The following ITGB4 variants were observed in gnomAD, a reference collection of about 807,000 sequenced individuals.
ITGB4 encodes the protein integrin beta-4.
Under a neutral mutation model 207.6 loss-of-function variants are expected in ITGB4, and 159 were observed. That is an observed-to-expected ratio of 0.77 (90% CI 0.67 to 0.87). The LOEUF (loss-of-function observed/expected upper bound fraction) is 0.87, where lower values mean the gene tolerates loss of function less well. ITGB4 is among the 40% of genes least tolerant of loss of function. ITGB4 has a pLI of 0.00. For missense variants in ITGB4, 2,278 were observed against 2,546.8 expected (o/e 0.89, Z 2.27); for synonymous variants, 1,020 against 1,062.7 (o/e 0.96, Z 0.78).
intron 18 of ITGB4, 21 bp downstream of exon 18, chr17:75,737,665 C>A (rs772915289): frequency 1.2e-6 from 2 of 1,601,228 alleles, no homozygotes; most frequent in Admixed American, 1.7e-5. Context: ...AGGGTGCCTC[C>A]CAAGGCCCCA....
In ITGB4 at chr17:75,750,823, C is replaced by T; in HGVS notation, c.3618C>T (p.Pro1206=). The change falls in exon 29 of 40, where the codon CCC becomes CCT. Residue 1206 remains proline (P), a synonymous_variant. Coordinates refer to ENST00000200181, the MANE Select transcript of ITGB4 (RefSeq NM_000213.5). This position sits in a 1 kb window ranked among gnomAD's most constrained non-coding sequence, Gnocchi z 5.5. ...VCAYGAQGEG[P]YSSLVSCRTH... is the part of the protein sequence containing the mutation. The stretch of plus-strand genomic sequence containing the variant: ...CCTACGGGGCTCAGGGCGAGGGACC[C>T]TACAGCTCCCTGGTGTCCTGCCGCA... The T allele has an allele frequency of 1.2e-6, 2 of 1,613,404 alleles. No homozygotes were observed. Among genetic ancestry groups the T allele is most frequent in the Non-Finnish European group, 1.7e-6 (2 of 1,179,996 alleles).
At chr17:75,743,989 C>T (rs2061177206) in intron 26 of ITGB4, 128 bp downstream of exon 26, 2 of 1,095,630 alleles carry the variant, frequency 1.8e-6, no homozygotes, top group African/African-American at 1.6e-5. Context: ...CCCTGGCTGG[C>T]CTCCCAAGGA....
chr17:75,748,904 G>C lies in ITGB4; in HGVS notation c.3175G>C (p.Val1059Leu). Residue 1059 changes from valine to leucine, a missense_variant, in exon 27 of 40, where the codon GTG becomes CTG. Val to Leu is a conservative substitution (Grantham distance 32). Transcript: ENST00000200181. The part of the protein sequence containing the change: ...QPGEAWKELQ[V>L]KLLELQEVDS... ...TGGGGAGGCCTGGAAAGAGCTGCAGGTGAAGCTCCTGGAGCTGCAAGAAGT... is the reference window on the plus strand; with the variant it reads ...TGGGGAGGCCTGGAAAGAGCTGCAGCTGAAGCTCCTGGAGCTGCAAGAAGT... 6.2e-7 allele frequency: 1 copy of C among 1,613,252 alleles called. No homozygotes were observed. Among genetic ancestry groups the C allele is most frequent in the South Asian group, 1.1e-5 (1 of 91,034 alleles).
At chr17:75,738,705 C>T (rs902108772) in intron 18 of ITGB4, among the ~76,000 whole-genome samples, 5 of 152,216 alleles carry the variant, frequency 3.3e-5, no homozygotes, top group Non-Finnish European at 5.9e-5. Context: ...CAAGAGAAAG[C>T]GTGGAGGATG....
At position 75,729,529 on chromosome 17, in the gene ITGB4, G is replaced by A; in HGVS notation, c.738+93G>A. ...GCCCCCTGGCCTGCTCTGGTGCCAGGCTCACAGGCCCTGAGGGAAAGCCTG... is the reference window on the plus strand; with the variant it reads ...GCCCCCTGGCCTGCTCTGGTGCCAGACTCACAGGCCCTGAGGGAAAGCCTG... On this transcript the variant is annotated intron_variant, in intron 7 of 39. Coordinates refer to ENST00000200181, the MANE Select transcript of ITGB4 (RefSeq NM_000213.5). This position sits in a 1 kb window ranked among gnomAD's most constrained non-coding sequence, Gnocchi z 4.4. 1 of 1,372,200 alleles carries A rather than the reference G, an allele frequency of 7.3e-7. No homozygotes were observed. Among genetic ancestry groups the A allele is most frequent in the Non-Finnish European group, 9.9e-7 (1 of 1,013,696 alleles). 85.0% of individuals were successfully genotyped at this position (1,372,200 alleles called of 1,614,324 possible).
In ITGB4 at chr17:75,727,316, G is replaced by T. The variant is rs1458367394; in HGVS notation, c.162+39G>T. 1 of 1,612,906 alleles carries T rather than the reference G, an allele frequency of 6.2e-7. No homozygotes were observed. Among genetic ancestry groups the T allele is most frequent in the Non-Finnish European group, 8.5e-7 (1 of 1,179,184 alleles). ...CCGGGTTGGTGTGGAACAGGCAAGG[G>T]TCGGGAATAGCTGGTGGAAATGAAT... On this transcript the variant is annotated intron_variant, in intron 3 of 39. Coordinates refer to ENST00000200181, the MANE Select transcript of ITGB4 (RefSeq NM_000213.5). The surrounding 1 kb of genome is among the most constrained non-coding windows in gnomAD (Gnocchi z 6.0).
intron 33 of ITGB4, 23 bp from the exon 34 acceptor site, chr17:75,754,553 G>A (rs762265802): frequency 1.2e-6 from 2 of 1,613,102 alleles, no homozygotes. Flanking sequence ...GCCTGACCAA[G>A]GGACCCTGCT....
chr17:75,743,711 AG>A lies in ITGB4; in HGVS notation c.2963-1del. 6.2e-7 allele frequency: 1 copy of A among 1,613,494 alleles called. No homozygotes were observed. The highest frequency in any genetic ancestry group is 1.3e-5 in the African/African-American group (1 of 75,026). ...TCTGACAAATGCCCGGGCTCCTTGC[AG>A]CCAGAGACGTGGTGTCCTTTGAGCA... On this transcript the variant is annotated splice_acceptor_variant, in intron 25 of 39. Coordinates refer to ENST00000200181, the MANE Select transcript of ITGB4 (RefSeq NM_000213.5). LOFTEE classifies it high-confidence loss of function.
In ITGB4 at chr17:75,753,989, C is replaced by G. The variant is rs779100324; in HGVS notation, c.4318+15C>G. On this transcript the variant is annotated intron_variant, in intron 33 of 39. Coordinates refer to ENST00000200181, the MANE Select transcript of ITGB4 (RefSeq NM_000213.5). ...GCCCCCCGGAGGTGACAGGCTCACC[C>G]GCCGCCCCCCGATCCGCGCCCACCC... The G allele has an allele frequency of 8.9e-7, 1 of 1,119,974 alleles. No homozygotes were observed. Among genetic ancestry groups the G allele is most frequent in the African/African-American group, 1.6e-5 (1 of 61,554 alleles). The allele number at this position is 1,119,974 out of a possible 1,614,324, so 69.4% of individuals were successfully genotyped here.
chr17:75,756,284 C>T (rs747882720), intron 35 of ITGB4, 145 bp from the exon 36 acceptor site: 1 of 796,526 alleles, frequency 1.3e-6, no homozygotes, highest in African/African-American at 1.7e-5. Context: ...CCAGCCATAC[C>T]ATACTGTACC....
chr17:75,723,119 A>C (rs1351416193), intron 1 of ITGB4, among the ~76,000 whole-genome samples: 1 of 152,020 alleles, frequency 6.6e-6, no homozygotes, highest in African/African-American at 2.4e-5. Flanking sequence ...GCTGCCATGG[A>C]GGTTAAAGGC....
At position 75,739,639 on chromosome 17, in the gene ITGB4, T is replaced by C. The variant is rs111642584; in HGVS notation, c.2221-33T>C. ...GCTTACCTGGGCCAGGGCAGCTGTC[T>C]CAGGCCTCACCCTCACCCACCTTGT... On this transcript the variant is annotated intron_variant, in intron 18 of 39. Coordinates refer to ENST00000200181, the MANE Select transcript of ITGB4 (RefSeq NM_000213.5). The surrounding 1 kb of genome is among the most constrained non-coding windows in gnomAD (Gnocchi z 5.4). The C allele has an allele frequency of 6.2e-7, 1 of 1,613,848 alleles. No individual in the cohort carries two copies. Among genetic ancestry groups the C allele is most frequent in the Non-Finnish European group, 8.5e-7 (1 of 1,179,906 alleles).
intron 26 of ITGB4, 152 bp from the exon 27 acceptor site, chr17:75,748,689 A>C (rs1433168491): frequency 4.7e-6 from 3 of 631,874 alleles, no homozygotes; most frequent in Non-Finnish European, 8.2e-6. Flanking sequence ...AACAAACAAA[A>C]AAAACACAAA....
chr17:75,724,900 AC>A, intron 2 of ITGB4, 118 bp downstream of exon 2: 1 of 817,722 alleles, frequency 1.2e-6, no homozygotes, highest in Non-Finnish European at 2.0e-6. Context: ...TCAGCAACTG[AC>A]CACTGCCCAC....
Position 75,750,754 on chromosome 17 carries a change from C to T in ITGB4, c.3549C>T (p.Leu1183=). ...LLDSKVPSVE[L]TNLYPYCDYE... ...ACAGCAAGGTGCCCTCAGTGGAGCTCACCAACCTGTACCCGTATTGCGACT... is the reference window on the plus strand; with the variant it reads ...ACAGCAAGGTGCCCTCAGTGGAGCTTACCAACCTGTACCCGTATTGCGACT... Residue 1183 remains leucine (L), a synonymous_variant, in exon 29 of 40, where the codon CTC becomes CTT. Transcript: ENST00000200181. This position sits in a 1 kb window ranked among gnomAD's most constrained non-coding sequence, Gnocchi z 5.5. The T allele has an allele frequency of 6.2e-7, 1 of 1,613,578 alleles. No individual in the cohort carries two copies. The highest frequency in any genetic ancestry group is 1.1e-5 in the South Asian group (1 of 91,090).
At position 75,730,269 on chromosome 17, in the gene ITGB4, C is replaced by T; in HGVS notation, c.767C>T (p.Thr256Ile). The T allele has an allele frequency of 6.2e-7, 1 of 1,613,152 alleles. No individual in the cohort carries two copies. Among genetic ancestry groups the T allele is most frequent in the East Asian group, 2.2e-5 (1 of 44,876 alleles). ...TRDIGWRPDS[T>I]HLLVFSTESA... is the part of the protein sequence containing the mutation. Reference sequence around the variant, plus strand: ...GACATTGGCTGGCGCCCGGACAGCACCCACCTGCTGGTCTTCTCCACCGAG... The same window carrying T: ...GACATTGGCTGGCGCCCGGACAGCATCCACCTGCTGGTCTTCTCCACCGAG... Residue 256 changes from threonine to isoleucine, a missense_variant, in exon 8 of 40, where the codon ACC becomes ATC. Physicochemically the swap from Thr to Ile is moderately conservative, Grantham distance 89. Coordinates refer to ENST00000200181, the MANE Select transcript of ITGB4 (RefSeq NM_000213.5).
In ITGB4 at chr17:75,732,249, G is replaced by A. The variant is rs757199294; in HGVS notation, c.1454+10G>A. On this transcript the variant is annotated intron_variant, in intron 12 of 39. Coordinates refer to ENST00000200181, the MANE Select transcript of ITGB4 (RefSeq NM_000213.5). This position sits in a 1 kb window ranked among gnomAD's most constrained non-coding sequence, Gnocchi z 5.3. The stretch of plus-strand genomic sequence containing the variant: ...TGTGCAGCGAGGGCTGGTGAGTGGG[G>A]AAGGGAGTTGGGCACCCAGGACACC... The A allele has an allele frequency of 8.1e-6, 13 of 1,613,586 alleles. No homozygotes were observed. In the Admixed American group the frequency reaches 1.3e-4, roughly 17 times the overall value.
chr17:75,752,622 G>A (rs1285648658), intron 32 of ITGB4, 45 bp downstream of exon 32: 1 of 1,610,148 alleles, frequency 6.2e-7, no homozygotes, highest in Non-Finnish European at 8.5e-7. Flanking sequence ...GGGGGTCTTG[G>A]GTACAGAGTG....
chr17:75,735,412 C>CTTTTTTTTTTTTTTTT (rs71361693), intron 13 of ITGB4, among the ~76,000 whole-genome samples: 1 of 102,846 alleles, frequency 9.7e-6, no homozygotes, highest in Non-Finnish European at 1.9e-5. Flanking sequence ...TTTTTCTTTT[C>CTTTTTTTTTTTTTTTT]TTTTTTTTTT....
Sources: gnomAD v4.1 joint callset for allele counts (sites outside exome capture counted in the v4.1 genomes callset) on GRCh38, gnomAD v4.1.1 for gene constraint, Gnocchi (gnomAD v3.1) non-coding constraint, MANE v1.5 for transcripts, NCBI Gene and HGNC (gene_info 2026-07-23, HGNC 2026-07-21) for gene names.